CHN2: variants seen among roughly 807,000 people sequenced by gnomAD.
The protein encoded by CHN2 is beta-chimaerin.
Under a neutral mutation model 56.3 loss-of-function variants are expected in CHN2, and 35 were observed. The observed-to-expected ratio is 0.62, with a 90% CI of 0.47 to 0.82. The LOEUF (loss-of-function observed/expected upper bound fraction) is 0.82, where lower values mean the gene tolerates loss of function less well. Ranked by LOEUF, CHN2 falls within the 40% of genes least tolerant of loss-of-function variation. CHN2 has a pLI of 0.00. For synonymous variants in CHN2, 210 were observed against 212.8 expected (o/e 0.99, Z 0.12); for missense variants, 491 against 580.5 (o/e 0.85, Z 1.58).
At position 29,410,301 on chromosome 7, in the gene CHN2, G is replaced by T. The variant is rs529122610; in HGVS notation, c.576+9473G>T. Among the ~76,000 whole-genome samples, 3 of 151,196 alleles carry T rather than the reference G, an allele frequency of 2.0e-5. No homozygotes were observed. In the East Asian group the frequency reaches 5.8e-4, roughly 29 times the overall value. On this transcript the variant is annotated intron_variant, in intron 6 of 12. Transcript: ENST00000222792. ...ACTTTCATTTTTAAGGTGAAATTGA[G>T]CTGTTTTTGTCTTTTTAGTAATTAT...
chr7:29,160,265 T>G (rs192001502), intron 2 of CHN2, among the ~76,000 whole-genome samples: 3 of 152,214 alleles, frequency 2.0e-5, no homozygotes, highest in Admixed American at 2.0e-4. Context: ...GTGACAGACA[T>G]GAGCAGTACA....
At chr7:29,329,410 A>G (rs1400211983) in intron 1 of CHN2, among the ~76,000 whole-genome samples, 2 of 146,066 alleles carry the variant, frequency 1.4e-5, no homozygotes, top group Non-Finnish European at 3.0e-5. Flanking sequence ...AAAGTCAGCA[A>G]TTGGGACAGT....
At chr7:29,389,149 C>G (rs1257941525) in intron 3 of CHN2, among the ~76,000 whole-genome samples, 1 of 151,752 alleles carries the variant, frequency 6.6e-6, no homozygotes, top group Non-Finnish European at 1.5e-5. Context: ...AATGTCTCTT[C>G]TAATATTCCC....
intron 8 of CHN2, among the ~76,000 whole-genome samples, chr7:29,498,076 T>G (rs921335884): frequency 2.6e-5 from 4 of 152,156 alleles, no homozygotes; most frequent in Non-Finnish European, 4.4e-5. Flanking sequence ...ACAAAAAAAT[T>G]TAAATGAAGT....
intron 1 of CHN2, among the ~76,000 whole-genome samples, chr7:29,238,174 C>T (rs1303195358): frequency 6.6e-6 from 1 of 151,952 alleles, no homozygotes; most frequent in African/African-American, 2.4e-5. Context: ...TGTGCCACCA[C>T]GCCCGGCTAA....
chr7:29,288,784 AAC>A (rs1441305782), intron 1 of CHN2: 14 of 152,326 alleles, frequency 9.2e-5, no homozygotes, highest in Admixed American at 1.3e-4. Flanking sequence ...CAGAAGCCAC[AAC>A]AGTGTTAGTC....
chr7:29,383,395 G>A (rs1406852983), intron 3 of CHN2, among the ~76,000 whole-genome samples: 1 of 152,140 alleles, frequency 6.6e-6, no homozygotes, highest in East Asian at 1.9e-4. Flanking sequence ...GTCAGGAAGA[G>A]GGAGCATGAA....
chr7:29,328,462 G>T (rs575030352), intron 1 of CHN2, among the ~76,000 whole-genome samples: 204 of 152,246 alleles, frequency 1.3e-3, no homozygotes, highest in Non-Finnish European at 2.5e-3. Flanking sequence ...GAATGCACAT[G>T]TGGATAGATA....
intron 1 of CHN2, among the ~76,000 whole-genome samples, chr7:29,217,735 A>T (rs1785450618): frequency 1.3e-5 from 2 of 152,182 alleles, no homozygotes; most frequent in African/African-American, 4.8e-5. Flanking sequence ...TTCCTTTAGA[A>T]TGTGCACATG....
chr7:29,276,009 A>T (rs188961045), intron 1 of CHN2, among the ~76,000 whole-genome samples: 2 of 152,106 alleles, frequency 1.3e-5, no homozygotes, highest in East Asian at 3.8e-4. Context: ...GCATTACCCA[A>T]TATGCCTGTA....
At chr7:29,405,161 CCA>C (rs1486466145) in intron 6 of CHN2, among the ~76,000 whole-genome samples, 1 of 49,810 alleles carries the variant, frequency 2.0e-5, no homozygotes, top group Non-Finnish European at 4.6e-5. Flanking sequence ...GCTTATGTCA[CCA>C]TACACACACA....
chr7:29,473,448 G>A (rs1786280947), intron 6 of CHN2, among the ~76,000 whole-genome samples: 2 of 141,992 alleles, frequency 1.4e-5, no homozygotes, highest in Non-Finnish European at 3.0e-5. Flanking sequence ...TGAGCATGGG[G>A]TGTTTGTGTG....
chr7:29,415,982 C>G (rs184791448), intron 6 of CHN2, among the ~76,000 whole-genome samples: 17 of 152,264 alleles, frequency 1.1e-4, no homozygotes, highest in African/African-American at 4.1e-4. Context: ...GTAAGTTTTA[C>G]TGGGTTTGGG....
At chr7:29,229,851 C>G (rs747136712) in intron 1 of CHN2, among the ~76,000 whole-genome samples, 1 of 152,062 alleles carries the variant, frequency 6.6e-6, no homozygotes, top group Non-Finnish European at 1.5e-5. Flanking sequence ...GTGGCATGTG[C>G]CTGTAGTATC....
intron 6 of CHN2, among the ~76,000 whole-genome samples, chr7:29,408,501 A>C (rs987959286): frequency 6.6e-6 from 1 of 152,214 alleles, no homozygotes; most frequent in Non-Finnish European, 1.5e-5. Flanking sequence ...ACTTTTACAC[A>C]ACACGTGAGA....
intron 1 of CHN2, among the ~76,000 whole-genome samples, chr7:29,339,911 G>A (rs564752396): frequency 1.7e-4 from 26 of 151,876 alleles, no homozygotes; most frequent in African/African-American, 5.6e-4. Context: ...TGCCAATATA[G>A]CAATATAATA....
chr7:29,159,734 T>A (rs1007311896), intron 2 of CHN2, among the ~76,000 whole-genome samples: 1 of 152,324 alleles, frequency 6.6e-6, no homozygotes, highest in African/African-American at 2.4e-5. Flanking sequence ...TCCCTTTTAC[T>A]CTGTCCTGTC....
chr7:29,288,773 A>G (rs1370001314), intron 1 of CHN2: 1 of 152,282 alleles, frequency 6.6e-6, no homozygotes, highest in African/African-American at 2.4e-5. Flanking sequence ...GGCTGGGAAG[A>G]CAGAAGCCAC....
At chr7:29,486,606 C>T (rs1562649566) in intron 7 of CHN2, among the ~76,000 whole-genome samples, 1 of 152,100 alleles carries the variant, frequency 6.6e-6, no homozygotes, top group Non-Finnish European at 1.5e-5. Context: ...AAAAGCATCC[C>T]ATCAGGACGT....
Sources: gnomAD v4.1 joint callset for allele counts (sites outside exome capture counted in the v4.1 genomes callset) on GRCh38, gnomAD v4.1.1 for gene constraint, MANE v1.5 for transcripts, NCBI Gene and HGNC (gene_info 2026-07-23, HGNC 2026-07-21) for gene names.